The following KMT5A variants were observed in gnomAD, a reference collection of about 807,000 sequenced individuals.
The protein encoded by KMT5A is N-lysine methyltransferase KMT5A.
KMT5A carries 6 observed loss-of-function variants against 40.6 expected under a neutral mutation model. That is an observed-to-expected ratio of 0.15 (90% CI 0.08 to 0.29). The LOEUF is 0.29. KMT5A is among the 10% of genes least tolerant of loss of function. The probability of loss-of-function intolerance (pLI) is 1.00; values close to 1 mark genes in which losing one functional copy is unlikely to be tolerated. For synonymous variants in KMT5A, 153 were observed against 178.8 expected (o/e 0.86, Z 1.15); for missense variants, 308 against 459.1 (o/e 0.67, Z 3.01).
At chr12:123,407,459 C>T in intron 7 of KMT5A, 34 bp from the exon 8 acceptor site, 2 of 1,602,328 alleles carry the variant, frequency 1.2e-6, no homozygotes, top group South Asian at 2.2e-5. Flanking sequence ...CCTCTTTATC[C>T]ATTTAATCCT....
intron 5 of KMT5A, among the ~76,000 whole-genome samples, chr12:123,398,983 G>C (rs1425112444): frequency 2.6e-5 from 4 of 152,272 alleles, no homozygotes; most frequent in Non-Finnish European, 5.9e-5. Context: ...CGTGGGTCCT[G>C]GGCAACAGGG....
chr12:123,395,687 C>T (rs1877669330), intron 4 of KMT5A, among the ~76,000 whole-genome samples: 1 of 151,846 alleles, frequency 6.6e-6, no homozygotes, highest in Non-Finnish European at 1.5e-5. Context: ...GCCTCAGCCT[C>T]CTGAGTAACT....
intron 1 of KMT5A, among the ~76,000 whole-genome samples, chr12:123,386,307 C>T (rs1165844567): frequency 6.7e-6 from 1 of 148,876 alleles, no homozygotes; most frequent in African/African-American, 2.5e-5. Context: ...CCTCCCTCTC[C>T]TGTGTTCAAG....
rs551918742 is a variant in KMT5A at position 123,391,048 on chromosome 12, C to T, written c.289+262C>T. ...CTTGCTTAGTTGCAAAAATAACATA[C>T]CTGACCCACAATTAGAGAGGCTCAC... On this transcript the variant is annotated intron_variant, in intron 3 of 7. Coordinates refer to ENST00000402868, the MANE Select transcript of KMT5A (RefSeq NM_020382.7). The T allele has an allele frequency of 1.3e-4, 55 of 435,098 alleles. No individual in the cohort carries two copies. The South Asian group carries it at 1.3e-3, about 10-fold the overall frequency. 27.0% of individuals were successfully genotyped at this position (435,098 alleles called of 1,614,324 possible).
intron 7 of KMT5A, among the ~76,000 whole-genome samples, chr12:123,405,418 G>A (rs181568782): frequency 3.3e-5 from 5 of 150,528 alleles, no homozygotes; most frequent in Admixed American, 1.3e-4. Context: ...CGATCCACCC[G>A]CCTTGGCCTT....
At chr12:123,389,718 G>C (rs1359391299) in intron 2 of KMT5A, among the ~76,000 whole-genome samples, 164 bp downstream of exon 2, 1 of 152,014 alleles carries the variant, frequency 6.6e-6, no homozygotes, top group Non-Finnish European at 1.5e-5. Context: ...GAGCCTGGCG[G>C]TGTTTGACCT....
chr12:123,403,688 C>T, intron 6 of KMT5A, 56 bp downstream of exon 6: 1 of 1,606,612 alleles, frequency 6.2e-7, no homozygotes, highest in Middle Eastern at 1.7e-4. Flanking sequence ...GCTCACCTTC[C>T]CTGGTCCCGT....
At chr12:123,401,980 T>C (rs899975151) in intron 5 of KMT5A, among the ~76,000 whole-genome samples, 6 of 152,132 alleles carry the variant, frequency 3.9e-5, no homozygotes, top group African/African-American at 1.4e-4. Context: ...CCTCCTGGGC[T>C]CCAGCAATCC....
Position 123,394,079 on chromosome 12 carries a change from C to T in KMT5A, c.290-968C>T, listed in dbSNP as rs140166774. Among the ~76,000 whole-genome samples the T allele has an allele frequency of 1.9e-3, 277 of 149,092 alleles. 6 individuals carry two copies. In the East Asian group the frequency reaches 0.048, roughly 26 times the overall value. On this transcript the variant is annotated intron_variant, in intron 3 of 7. Coordinates refer to ENST00000402868, the MANE Select transcript of KMT5A (RefSeq NM_020382.7). ...TGCACCATTTTATATCTGTGAGCAGCGTACTATTTACTTAATTTTTTTTTC... is the reference window on the plus strand; with the variant it reads ...TGCACCATTTTATATCTGTGAGCAGTGTACTATTTACTTAATTTTTTTTTC...
In KMT5A at chr12:123,384,347, G is replaced by GGT; in HGVS notation, c.10+139_10+140insGT. The GGT allele has an allele frequency of 8.3e-7, 1 of 1,210,462 alleles. No individual in the cohort carries two copies. The highest frequency in any genetic ancestry group is 1.2e-6 in the Non-Finnish European group (1 of 863,298). The allele number at this position is 1,210,462 out of a possible 1,614,324, so 75.0% of individuals were successfully genotyped here. On this transcript the variant is annotated intron_variant, in intron 1 of 7. Coordinates refer to ENST00000402868, the MANE Select transcript of KMT5A (RefSeq NM_020382.7). This position sits in a 1 kb window ranked among gnomAD's most constrained non-coding sequence, Gnocchi z 5.7. ...AAGCTTGGGGACCCGCGTGGGGGGA[G>GGT]AGGGGGTGCTGCTGCGGAACCCGCC...
At chr12:123,401,144 C>CTTTTTTTTTTTT (rs58431238) in intron 5 of KMT5A, among the ~76,000 whole-genome samples, 3 of 75,678 alleles carry the variant, frequency 4.0e-5, no homozygotes, top group Non-Finnish European at 6.9e-5. Context: ...ATATATCTTT[C>CTTTTTTTTTTTT]TTTTTTTTTT....
intron 1 of KMT5A, among the ~76,000 whole-genome samples, chr12:123,388,268 C>A (rs1054067306): frequency 1.3e-5 from 2 of 152,200 alleles, no homozygotes; most frequent in Non-Finnish European, 2.9e-5. Context: ...TTGGCTGGGG[C>A]TGAAAACCCA....
At position 123,384,833 on chromosome 12, in the gene KMT5A, C is replaced by T. The variant is rs1212534903; in HGVS notation, c.10+625C>T. On this transcript the variant is annotated intron_variant, in intron 1 of 7. Transcript: ENST00000402868. The surrounding 1 kb of genome is among the most constrained non-coding windows in gnomAD (Gnocchi z 5.7). The stretch of plus-strand genomic sequence containing the variant: ...CGCATCTGGTCAGGACTTCGCCCCC[C>T]GGTAGATGGCTTGGGTGGGCTTGTA... Among the ~76,000 whole-genome samples, 1 of 152,186 alleles carries T rather than the reference C, an allele frequency of 6.6e-6. No homozygotes were observed. Among genetic ancestry groups the T allele is most frequent in the Non-Finnish European group, 1.5e-5 (1 of 68,040 alleles).
chr12:123,400,296 A>C (rs1044982771), intron 5 of KMT5A, among the ~76,000 whole-genome samples: 12 of 151,972 alleles, frequency 7.9e-5, no homozygotes, highest in Non-Finnish European at 1.5e-4. Context: ...CGGCCTCCCA[A>C]AGTGCTGGGA....
intron 1 of KMT5A, chr12:123,388,835 G>T (rs1245818497): frequency 6.7e-6 from 1 of 150,056 alleles, no homozygotes; most frequent in South Asian, 2.1e-4. Context: ...CCGCGCGAGA[G>T]GGGGCGCGCC....
At chr12:123,403,477 G>A (rs368667050) in intron 5 of KMT5A, 96 bp from the exon 6 acceptor site, 4 of 1,350,250 alleles carry the variant, frequency 3.0e-6, no homozygotes, top group Non-Finnish European at 2.1e-6. Flanking sequence ...GTGGCCCGGT[G>A]GGCATGGCCT....
Position 123,408,513 on chromosome 12 carries a change from C to A in KMT5A, c.*810C>A, listed in dbSNP as rs574870473. On this transcript the variant is annotated 3_prime_UTR_variant, in exon 8 of 8. Coordinates refer to ENST00000402868, the MANE Select transcript of KMT5A (RefSeq NM_020382.7). Reference sequence around the variant, plus strand: ...TTAAAAAAATTAAAAATAAAAAAAACCACAGAAAACAACTTTACATGTATA... The same window carrying A: ...TTAAAAAAATTAAAAATAAAAAAAAACACAGAAAACAACTTTACATGTATA... 3.4e-4 allele frequency: 50 copies of A among 147,510 alleles called. No homozygotes were observed. The highest frequency in any genetic ancestry group is 3.5e-3 in the Middle Eastern group (1 of 282). The allele number at this position is 147,510 out of a possible 1,614,324, so 9.1% of individuals were successfully genotyped here.
chr12:123,384,374 G>GC lies in KMT5A; in HGVS notation c.10+173dup, dbSNP rs894868817. Reference sequence around the variant, plus strand: ...GGGGGTGCTGCTGCGGAACCCGCCGGCCCCCCCTTGCGGCTCCAGATGCCC... The same window carrying GC: ...GGGGGTGCTGCTGCGGAACCCGCCGGCCCCCCCCTTGCGGCTCCAGATGCCC... On this transcript the variant is annotated intron_variant, in intron 1 of 7. Transcript: ENST00000402868. This position sits in a 1 kb window ranked among gnomAD's most constrained non-coding sequence, Gnocchi z 5.7. Among the ~76,000 whole-genome samples, 37 of 152,252 alleles carry GC rather than the reference G, an allele frequency of 2.4e-4. No homozygotes were observed. Among genetic ancestry groups the GC allele is most frequent in the Non-Finnish European group, 2.4e-4 (16 of 68,004 alleles).
intron 7 of KMT5A, 53 bp downstream of exon 7, chr12:123,405,127 A>G (rs1878439812): frequency 6.7e-7 from 1 of 1,503,166 alleles, no homozygotes. Flanking sequence ...CAGTGAGGAG[A>G]GGCCAAAGGG....
Sources: gnomAD v4.1 joint callset for allele counts (sites outside exome capture counted in the v4.1 genomes callset) on GRCh38, gnomAD v4.1.1 for gene constraint, Gnocchi (gnomAD v3.1) non-coding constraint, MANE v1.5 for transcripts, NCBI Gene and HGNC (gene_info 2026-07-23, HGNC 2026-07-21) for gene names.